The following FDPS variants were observed in gnomAD, a reference collection of about 807,000 sequenced individuals.
FDPS encodes the protein farnesyl diphosphate synthase.
A neutral mutation model predicts 49.5 loss-of-function variants in FDPS; 29 were observed. The ratio of observed to expected loss-of-function variants is 0.59; its 90% CI spans 0.44 to 0.80. The LOEUF (loss-of-function observed/expected upper bound fraction) is 0.80. Ranked by LOEUF, FDPS falls within the 30% of genes least tolerant of loss-of-function variation. The pLI is 0.00. For missense variants in FDPS, 414 were observed against 525.6 expected (o/e 0.79, Z 2.08); for synonymous variants, 172 against 206.4 (o/e 0.83, Z 1.43).
intron 4 of FDPS, chr1:155,316,800 A>AG (rs1327254445): frequency 6.6e-6 from 1 of 152,150 alleles, no homozygotes; most frequent in Admixed American, 6.5e-5. Context: ...CAAAAAAAAA[A>AG]AAAAAGAAAA....
intron 3 of FDPS, among the ~76,000 whole-genome samples, chr1:155,311,120 A>G (rs1248821555): frequency 6.6e-6 from 1 of 152,016 alleles, no homozygotes; most frequent in African/African-American, 2.4e-5. Context: ...GGGGGGGATC[A>G]TGAGGTCAGG....
At chr1:155,310,413 T>TA (rs1345520267) in intron 3 of FDPS, 6 of 553,132 alleles carry the variant, frequency 1.1e-5, no homozygotes, top group Non-Finnish European at 1.9e-5. Context: ...TGGGTTCAAG[T>TA]GATTCTCCTG....
intron 4 of FDPS, among the ~76,000 whole-genome samples, chr1:155,314,050 C>G (rs1474861186): frequency 6.6e-6 from 1 of 152,112 alleles, no homozygotes; most frequent in African/African-American, 2.4e-5. Context: ...AACTCCTGAC[C>G]TTGTGATCCA....
chr1:155,318,247 C>T lies in FDPS; in HGVS notation c.640C>T (p.Arg214Trp), dbSNP rs774426138. ...CIYRLLKLYC[R>W]EQPYYLNLIE... ...CTACCGCCTGCTGAAGCTCTATTGC[C>T]GGGAGCAGCCCTATTACCTGAACCT... The change falls in exon 6 of 11, where the codon CGG (arginine) becomes TGG (tryptophan). Residue 214 changes from arginine to tryptophan, a missense_variant. Physicochemically the swap from Arg to Trp is moderately radical, Grantham distance 101. Transcript: ENST00000368356. This position sits in a 1 kb window ranked among gnomAD's most constrained non-coding sequence, Gnocchi z 4.2. 13 of 1,613,640 alleles carry T rather than the reference C, an allele frequency of 8.1e-6. No individual in the cohort carries two copies. Among genetic ancestry groups the T allele is most frequent in the South Asian group, 2.2e-5 (2 of 91,084 alleles).
chr1:155,309,740 C>T (rs1292830183), intron 1 of FDPS, 49 bp from the exon 2 acceptor site: 2 of 1,442,912 alleles, frequency 1.4e-6, no homozygotes, highest in Admixed American at 5.1e-5. Context: ...GCCTTTGGTG[C>T]TTGCCCCTGC....
At chr1:155,315,490 T>C (rs1289778620) in intron 4 of FDPS, among the ~76,000 whole-genome samples, 1 of 151,860 alleles carries the variant, frequency 6.6e-6, no homozygotes, top group African/African-American at 2.4e-5. Flanking sequence ...CCATCCTGGC[T>C]AACATGGTGA....
chr1:155,320,459 A>G lies in FDPS; in HGVS notation c.1110A>G (p.Leu370=), dbSNP rs760412972. The part of the protein sequence containing the change: ...EAEKVARVKA[L]YEELDLPAVF... ...AGAAAGTGGCCCGGGTGAAGGCGCT[A>G]TATGAGGAGCTGGATCTGCCAGCAG... The change falls in exon 11 of 11, where the codon CTA becomes CTG. Residue 370 remains leucine (L), a synonymous_variant. Transcript: ENST00000368356. 3.7e-6 allele frequency: 6 copies of G among 1,613,854 alleles called. No homozygotes were observed. Among genetic ancestry groups the G allele is most frequent in the African/African-American group, 1.3e-5 (1 of 75,028 alleles).
Position 155,318,997 on chromosome 1 carries a change from A to C in FDPS, c.846+69A>C. ...TTTTGGACAGCAAGGCATAGAGCAG[A>C]AAACGTGAACACTGCTACCCCTGGT... On this transcript the variant is annotated intron_variant, in intron 8 of 10. Coordinates refer to ENST00000368356, the MANE Select transcript of FDPS (RefSeq NM_002004.4). This position sits in a 1 kb window ranked among gnomAD's most constrained non-coding sequence, Gnocchi z 4.2. 8.5e-7 allele frequency: 1 copy of C among 1,173,370 alleles called. No individual in the cohort carries two copies. The highest frequency in any genetic ancestry group is 1.3e-6 in the Non-Finnish European group (1 of 782,400). The allele number at this position is 1,173,370 out of a possible 1,614,324, so 72.7% of individuals were successfully genotyped here. A position where few individuals can be genotyped will look rare whatever the true frequency, so the allele number is the denominator to read the frequency against.
chr1:155,310,295 G>T, intron 3 of FDPS, 90 bp downstream of exon 3: 2 of 1,195,544 alleles, frequency 1.7e-6, no homozygotes, highest in South Asian at 1.3e-5. Context: ...GGGGACTTTT[G>T]ACAGATGTGA....
intron 3 of FDPS, chr1:155,310,451 C>T (rs1219474301): frequency 8.3e-6 from 4 of 481,312 alleles, no homozygotes; most frequent in Non-Finnish European, 1.5e-5. Context: ...GCTGGGATTA[C>T]AGGTGCGTGC....
At chr1:155,320,038 C>T in intron 10 of FDPS, 110 bp downstream of exon 10, 1 of 1,277,274 alleles carries the variant, frequency 7.8e-7, no homozygotes, top group East Asian at 2.4e-5. Flanking sequence ...TGTCAGCAGA[C>T]ATTTTTTGCC....
intron 3 of FDPS, among the ~76,000 whole-genome samples, chr1:155,312,026 T>C (rs1309166837): frequency 3.3e-5 from 5 of 152,014 alleles, no homozygotes; most frequent in Non-Finnish European, 7.4e-5. Flanking sequence ...TTTACTAGGG[T>C]AGACCATGCA....
rs541349208 is a variant in FDPS, at chr1:155,316,053, G to A, written c.481-1888G>A. 1.1e-3 allele frequency among the ~76,000 whole-genome samples: 163 copies of A among 151,778 alleles called. 1 individual carries two copies. The highest frequency in any genetic ancestry group is 3.8e-3 in the African/African-American group (156 of 41,376). On this transcript the variant is annotated intron_variant, in intron 4 of 10. Coordinates refer to ENST00000368356, the MANE Select transcript of FDPS (RefSeq NM_002004.4). ...ATGGATCACGTGAGGTCAGGAGTTCGAGACCAGCCTGACCAACATGGTGAA... is the reference window on the plus strand; with the variant it reads ...ATGGATCACGTGAGGTCAGGAGTTCAAGACCAGCCTGACCAACATGGTGAA...
At position 155,318,725 on chromosome 1, in the gene FDPS, G is replaced by A. The variant is rs1381996050; in HGVS notation, c.745G>A (p.Val249Met). The A allele has an allele frequency of 4.3e-6, 7 of 1,613,792 alleles. No individual in the cohort carries two copies. The highest frequency in any genetic ancestry group is 4.2e-6 in the Non-Finnish European group (5 of 1,179,766). ...LDLLTAPQGN[V>M]DLVRFTEKRY... The stretch of plus-strand genomic sequence containing the variant: ...CCTCCTCACAGCCCCCCAGGGCAAT[G>A]TGGATCTTGTCAGATTCACTGAAAA... The change falls in exon 7 of 11, where the codon GTG becomes ATG. Residue 249 changes from valine to methionine, a missense_variant. Coordinates refer to ENST00000368356, the MANE Select transcript of FDPS (RefSeq NM_002004.4). The surrounding 1 kb of genome is among the most constrained non-coding windows in gnomAD (Gnocchi z 4.2).
At chr1:155,313,934 T>C (rs571121813) in intron 4 of FDPS, among the ~76,000 whole-genome samples, 46 of 151,672 alleles carry the variant, frequency 3.0e-4, no homozygotes, top group Admixed American at 3.9e-4. Flanking sequence ...TTCTCCTGCC[T>C]CAGTCTCCTA....
rs752359619 is a variant in FDPS, at chr1:155,319,938, A to G, written c.1059+10A>G. On this transcript the variant is annotated intron_variant, in intron 10 of 10. Transcript: ENST00000368356. ...GTACCAGATCCTGAAGGTGCCTGAGAGAGGGTGGTGGGTCCCTGAGTTGGT... is the reference window on the plus strand; with the variant it reads ...GTACCAGATCCTGAAGGTGCCTGAGGGAGGGTGGTGGGTCCCTGAGTTGGT... The G allele has an allele frequency of 6.2e-7, 1 of 1,613,560 alleles. No individual in the cohort carries two copies. Among genetic ancestry groups the G allele is most frequent in the East Asian group, 2.2e-5 (1 of 44,872 alleles).
chr1:155,309,738 T>A, intron 1 of FDPS, 51 bp from the exon 2 acceptor site: 3 of 1,440,308 alleles, frequency 2.1e-6, no homozygotes. Flanking sequence ...CTGCCTTTGG[T>A]GCTTGCCCCT....
chr1:155,315,626 T>C (rs1179833623), intron 4 of FDPS, among the ~76,000 whole-genome samples: 2 of 151,726 alleles, frequency 1.3e-5, no homozygotes, highest in South Asian at 2.1e-4. Flanking sequence ...GAGCTTGCAG[T>C]GAGCTGAGAT....
Position 155,320,428 on chromosome 1 carries a change from A to C in FDPS, c.1079A>C (p.Glu360Ala). The change falls in exon 11 of 11, where the codon GAG becomes GCG. Residue 360 changes from glutamate (E) to alanine (A), a missense_variant. Transcript: ENST00000368356. ...QILKENYGQKEAEKVARVKAL... is the reference protein window; with the variant it reads ...QILKENYGQKAAEKVARVKAL... Reference sequence around the variant, plus strand: ...TTCCAGGAAAATTACGGGCAGAAGGAGGCTGAGAAAGTGGCCCGGGTGAAG... The same window carrying C: ...TTCCAGGAAAATTACGGGCAGAAGGCGGCTGAGAAAGTGGCCCGGGTGAAG... 1 of 1,613,418 alleles carries C rather than the reference A, an allele frequency of 6.2e-7. No individual in the cohort carries two copies.
Sources: gnomAD v4.1 joint callset for allele counts (sites outside exome capture counted in the v4.1 genomes callset) on GRCh38, gnomAD v4.1.1 for gene constraint, Gnocchi (gnomAD v3.1) non-coding constraint, MANE v1.5 for transcripts, NCBI Gene and HGNC (gene_info 2026-07-23, HGNC 2026-07-21) for gene names.